The following NT5DC1 variants were observed in gnomAD, a reference collection of about 807,000 sequenced individuals.
NT5DC1 encodes 5'-nucleotidase domain-containing protein 1.
A neutral mutation model predicts 59.4 loss-of-function variants in NT5DC1; 42 were observed. That is an observed-to-expected ratio of 0.71 (90% CI 0.55 to 0.92). The LOEUF (loss-of-function observed/expected upper bound fraction) is 0.92. Ranked by LOEUF, NT5DC1 falls within the 40% of genes least tolerant of loss-of-function variation. The pLI is 0.00. For missense variants in NT5DC1, 501 were observed against 537.1 expected (o/e 0.93, Z 0.66); for synonymous variants, 172 against 188.1 (o/e 0.91, Z 0.70).
chr6:116,213,709 A>G (rs952315491), intron 6 of NT5DC1, among the ~76,000 whole-genome samples: 2 of 152,072 alleles, frequency 1.3e-5, no homozygotes, highest in African/African-American at 4.8e-5. Flanking sequence ...CCCTTCAATT[A>G]TAATGAGCTA....
At chr6:116,220,644 G>T (rs1055973460) in intron 6 of NT5DC1, among the ~76,000 whole-genome samples, 1 of 152,136 alleles carries the variant, frequency 6.6e-6, no homozygotes, top group African/African-American at 2.4e-5. Context: ...TGTGATCCTG[G>T]TGCAATATCT....
At chr6:116,134,518 T>A (rs1001779314) in intron 6 of NT5DC1, among the ~76,000 whole-genome samples, 3 of 152,186 alleles carry the variant, frequency 2.0e-5, no homozygotes, top group African/African-American at 7.2e-5. Context: ...TGTCCCTGAA[T>A]GAAGGAACTA....
At chr6:116,135,604 C>T (rs957900450) in intron 6 of NT5DC1, among the ~76,000 whole-genome samples, 2 of 151,434 alleles carry the variant, frequency 1.3e-5, no homozygotes, top group Middle Eastern at 6.8e-3. Context: ...GCATTTTGCA[C>T]GAGCTATATT....
chr6:116,139,144 A>G (rs1321212397), intron 6 of NT5DC1, among the ~76,000 whole-genome samples: 2 of 152,182 alleles, frequency 1.3e-5, no homozygotes, highest in Non-Finnish European at 2.9e-5. Context: ...TTATTTGGCA[A>G]AAATTCTAGT....
At chr6:116,104,413 A>G (rs956829911) in intron 1 of NT5DC1, among the ~76,000 whole-genome samples, 1 of 152,210 alleles carries the variant, frequency 6.6e-6, no homozygotes, top group Non-Finnish European at 1.5e-5. Flanking sequence ...AATCACTTGA[A>G]TAACTGGAGA....
Position 116,168,101 on chromosome 6 carries a change from TTA to T in NT5DC1, c.529+50157_529+50158del, listed in dbSNP as rs1455514421. Among the ~76,000 whole-genome samples the T allele has an allele frequency of 3.3e-3, 495 of 150,754 alleles. 13 individuals carry two copies. In the South Asian group the frequency reaches 0.043, roughly 13 times the overall value. ...CTGGTGTCTTTTTTTTTTTTTTTTT[TTA>T]AATTCTCCTTGGAGGGCTTCTCAGA... On this transcript the variant is annotated intron_variant, in intron 6 of 11. Coordinates refer to ENST00000319550, the MANE Select transcript of NT5DC1 (RefSeq NM_152729.3).
At chr6:116,241,909 C>A (rs1400920179) in intron 11 of NT5DC1, among the ~76,000 whole-genome samples, 21 of 110,462 alleles carry the variant, frequency 1.9e-4, no homozygotes, top group African/African-American at 7.4e-4. Flanking sequence ...GGTGACAGAG[C>A]AAGACTCCGT....
In NT5DC1 at chr6:116,160,288, G is replaced by A. The variant is rs553260801; in HGVS notation, c.529+42343G>A. ...CCTCTCCAACATCTGTTATCTATTG[G>A]CTTTTTTCATAATAGCTATTCTGAC... On this transcript the variant is annotated intron_variant, in intron 6 of 11. Coordinates refer to ENST00000319550, the MANE Select transcript of NT5DC1 (RefSeq NM_152729.3). 4.6e-5 allele frequency among the ~76,000 whole-genome samples: 7 copies of A among 151,938 alleles called. No homozygotes were observed. In the South Asian group the frequency reaches 1.5e-3, roughly 32 times the overall value.
At chr6:116,182,557 T>A (rs1368292639) in intron 6 of NT5DC1, among the ~76,000 whole-genome samples, 1 of 152,040 alleles carries the variant, frequency 6.6e-6, no homozygotes, top group African/African-American at 2.4e-5. Flanking sequence ...TATTTTTTTT[T>A]ATTTTTTGAT....
chr6:116,186,582 C>CT (rs1341046412), intron 6 of NT5DC1, among the ~76,000 whole-genome samples: 1 of 151,774 alleles, frequency 6.6e-6, no homozygotes, highest in Non-Finnish European at 1.5e-5. Context: ...TTATTTAATT[C>CT]TTTTTTCTTT....
chr6:116,135,872 T>TATATATATATAC (rs368675402), intron 6 of NT5DC1, among the ~76,000 whole-genome samples: 3 of 121,310 alleles, frequency 2.5e-5, no homozygotes, highest in South Asian at 4.9e-4. Flanking sequence ...TATATATATA[T>TATATATATATAC]ACACACATAC....
intron 4 of NT5DC1, among the ~76,000 whole-genome samples, chr6:116,111,436 CT>C (rs1345994064): frequency 1.3e-5 from 2 of 152,184 alleles, no homozygotes; most frequent in African/African-American, 4.8e-5. Flanking sequence ...TTTCTACTGC[CT>C]TTAAAGAGTT....
intron 6 of NT5DC1, among the ~76,000 whole-genome samples, chr6:116,126,292 T>C (rs1779307593): frequency 6.6e-6 from 1 of 152,194 alleles, no homozygotes; most frequent in African/African-American, 2.4e-5. Context: ...TCCTTTTCCT[T>C]GTTTTCTTAT....
chr6:116,220,165 T>C (rs1781770229), intron 6 of NT5DC1, among the ~76,000 whole-genome samples: 1 of 146,732 alleles, frequency 6.8e-6, no homozygotes, highest in African/African-American at 2.5e-5. Flanking sequence ...TGTGTCCTTT[T>C]CCTAACAATT....
At chr6:116,186,301 AT>A (rs552459718) in intron 6 of NT5DC1, among the ~76,000 whole-genome samples, 4,576 of 141,792 alleles carry the variant, frequency 0.032, 70 homozygotes, top group African/African-American at 0.046. Flanking sequence ...AGCTCTTAAG[AT>A]TTTTTTTTTT....
intron 6 of NT5DC1, among the ~76,000 whole-genome samples, chr6:116,173,993 G>A (rs1374846359): frequency 6.6e-6 from 1 of 152,164 alleles, no homozygotes; most frequent in African/African-American, 2.4e-5. Context: ...CTCACTTGGA[G>A]TGCTAGCCAC....
At chr6:116,150,410 A>C (rs1299025031) in intron 6 of NT5DC1, among the ~76,000 whole-genome samples, 1 of 151,998 alleles carries the variant, frequency 6.6e-6, no homozygotes, top group Non-Finnish European at 1.5e-5. Context: ...TCAACCTCCC[A>C]AGTAGCTGGG....
intron 6 of NT5DC1, chr6:116,121,000 G>A: frequency 6.2e-7 from 1 of 1,613,912 alleles, no homozygotes; most frequent in Non-Finnish European, 8.5e-7. Flanking sequence ...TAGCCCCAGG[G>A]TATCCTGCAG....
chr6:116,134,934 T>C (rs1005906683), intron 6 of NT5DC1, among the ~76,000 whole-genome samples: 5 of 152,170 alleles, frequency 3.3e-5, no homozygotes, highest in Non-Finnish European at 7.4e-5. Flanking sequence ...CTTGGGAGTT[T>C]AGAGAGATTT....
Sources: gnomAD v4.1 joint callset for allele counts (sites outside exome capture counted in the v4.1 genomes callset) on GRCh38, gnomAD v4.1.1 for gene constraint, MANE v1.5 for transcripts, NCBI Gene and HGNC (gene_info 2026-07-23, HGNC 2026-07-21) for gene names.